Variants in PLXNA2 observed in about 807,000 individuals in gnomAD.
PLXNA2 encodes plexin A2.
In PLXNA2, 91 loss-of-function variants were observed where a neutral mutation model predicts 193.5. The observed-to-expected ratio is 0.47, with a 90% confidence interval of 0.40 to 0.56. The LOEUF is 0.56. PLXNA2 is among the 20% of genes least tolerant of loss of function. PLXNA2 has a pLI of 0.00. For synonymous variants in PLXNA2, 997 were observed against 1,027.3 expected (o/e 0.97, Z 0.56); for missense variants, 1,995 against 2,503.2 (o/e 0.80, Z 4.33).
intron 29 of PLXNA2, chr1:208,031,063 T>C: frequency 1.0e-6 from 1 of 990,166 alleles, no homozygotes; most frequent in Non-Finnish European, 1.2e-6. Context: ...TGCAATGAAA[T>C]CCTCCCTGTC....
chr1:208,184,065 A>G (rs979562657), intron 3 of PLXNA2, among the ~76,000 whole-genome samples: 1 of 152,188 alleles, frequency 6.6e-6, no homozygotes, highest in South Asian at 2.1e-4. Flanking sequence ...TTTTCTCATC[A>G]CAGAATGTTA....
intron 3 of PLXNA2, among the ~76,000 whole-genome samples, chr1:208,180,407 G>A (rs1669804100): frequency 6.6e-6 from 1 of 152,120 alleles, no homozygotes; most frequent in Non-Finnish European, 1.5e-5. Flanking sequence ...GAGAAAACAG[G>A]TTCATCACAT....
rs965857811 is a variant in PLXNA2 at position 208,063,291 on chromosome 1, G to T, written c.2587-2454C>A. 4.6e-5 allele frequency among the ~76,000 whole-genome samples: 7 copies of T among 152,326 alleles called. No individual in the cohort carries two copies. The East Asian group carries it at 1.2e-3, about 25-fold the overall frequency. On this transcript the variant is annotated intron_variant, in intron 12 of 31. Coordinates refer to ENST00000367033, the MANE Select transcript of PLXNA2 (RefSeq NM_025179.4). Reference sequence around the variant, plus strand: ...CTCAGAGGCACTGGCAGGTTCCACGGGGTAGCTTCCTCCTGCTGGTAAATC... The same window carrying T: ...CTCAGAGGCACTGGCAGGTTCCACGTGGTAGCTTCCTCCTGCTGGTAAATC...
chr1:208,132,925 A>G (rs1668201571), intron 4 of PLXNA2, among the ~76,000 whole-genome samples: 1 of 152,192 alleles, frequency 6.6e-6, no homozygotes, highest in Admixed American at 6.5e-5. Flanking sequence ...CATGGCAGTA[A>G]GCAGTAGAGC....
At chr1:208,167,612 A>G (rs145247388) in intron 3 of PLXNA2, among the ~76,000 whole-genome samples, 117 of 152,156 alleles carry the variant, frequency 7.7e-4, no homozygotes, top group Non-Finnish European at 1.3e-3. Flanking sequence ...CCTCCTCCCA[A>G]TATCCTGTCC....
chr1:208,094,163 T>C lies in PLXNA2; in HGVS notation c.1983-1263A>G, dbSNP rs143536458. On this transcript the variant is annotated intron_variant, in intron 8 of 31. Transcript: ENST00000367033. ...TAGACTGGTTCTTGGTAACATCTTATGATTCAGCAAGTAAATAATGAAAAT... is the reference window on the plus strand; with the variant it reads ...TAGACTGGTTCTTGGTAACATCTTACGATTCAGCAAGTAAATAATGAAAAT... Among the ~76,000 whole-genome samples, 458 of 152,344 alleles carry C rather than the reference T, an allele frequency of 3.0e-3. 4 individuals carry two copies. The highest frequency in any genetic ancestry group is 0.01 in the African/African-American group (435 of 41,578).
chr1:208,224,613 G>A lies in PLXNA2; in HGVS notation c.-80-6611C>T, dbSNP rs145766962. Among the ~76,000 whole-genome samples, 86 of 152,276 alleles carry A rather than the reference G, an allele frequency of 5.6e-4. 1 individual carries two copies. The highest frequency in any genetic ancestry group is 1.9e-3 in the African/African-American group (80 of 41,534). ...TAGATGTCACTTCTGTACCAGCTGC[G>A]TTTGCTTCATTAATCGAATGTCATT... On this transcript the variant is annotated intron_variant, in intron 1 of 31. Transcript: ENST00000367033.
Position 208,034,524 on chromosome 1 carries a change from G to A in PLXNA2, c.4833C>T (p.Ala1611=). 1 of 1,613,934 alleles carries A rather than the reference G, an allele frequency of 6.2e-7. No individual in the cohort carries two copies. Among genetic ancestry groups the A allele is most frequent in the Non-Finnish European group, 8.5e-7 (1 of 1,179,810 alleles). Residue 1611 remains alanine (A), a synonymous_variant, in exon 27 of 32, where the codon GCC becomes GCT. Coordinates refer to ENST00000367033, the MANE Select transcript of PLXNA2 (RefSeq NM_025179.4). ...QTSSYNIPAS[A]SISRTSISRY... ...TGCTGATGGACGTCCGGGAGATGCT[G>A]GCAGAGGCAGGGATGTTGTAGGAGG...
chr1:208,072,922 G>C (rs2102370378), intron 12 of PLXNA2, among the ~76,000 whole-genome samples: 1 of 152,312 alleles, frequency 6.6e-6, no homozygotes, highest in East Asian at 1.9e-4. Context: ...AGGTACTCTT[G>C]GGGTGGGATG....
chr1:208,221,809 T>C (rs903085604), intron 1 of PLXNA2, among the ~76,000 whole-genome samples: 9 of 152,176 alleles, frequency 5.9e-5, no homozygotes, highest in Non-Finnish European at 1.2e-4. Flanking sequence ...TGAGAGGCAG[T>C]GCGATATAAC....
In PLXNA2 at chr1:208,092,779, T is replaced by C; in HGVS notation, c.2097+7A>G. 7 of 1,593,156 alleles carry C rather than the reference T, an allele frequency of 4.4e-6. No homozygotes were observed. Among genetic ancestry groups the C allele is most frequent in the Non-Finnish European group, 5.2e-6 (6 of 1,161,384 alleles). ...AACACTGCCATGTTAGGGTAAGCCC[T>C]TCTTACCTCTGAAATATTGATCCGG... On this transcript the variant is annotated splice_region_variant and intron_variant, in intron 9 of 31. Coordinates refer to ENST00000367033, the MANE Select transcript of PLXNA2 (RefSeq NM_025179.4).
At position 208,079,413 on chromosome 1, in the gene PLXNA2, G is replaced by A. The variant is rs758416853; in HGVS notation, c.2433C>T (p.Cys811=). Residue 811 remains cysteine, a synonymous_variant, in exon 12 of 32, where the codon TGC becomes TGT. Transcript: ENST00000367033. ...TCCGGTCGGCCTTGAGGCAGAGGCC[G>A]CAGCTCTCCCGCTGGGCTGCACACT... ...LYKCAAQRES[C]GLCLKADRKF... is the part of the protein sequence containing the mutation. The A allele has an allele frequency of 8.7e-6, 14 of 1,611,266 alleles. No individual in the cohort carries two copies. The highest frequency in any genetic ancestry group is 6.7e-5 in the East Asian group (3 of 44,796).
intron 11 of PLXNA2, among the ~76,000 whole-genome samples, chr1:208,080,545 G>A (rs1303815065): frequency 6.6e-6 from 1 of 152,166 alleles, no homozygotes; most frequent in Non-Finnish European, 1.5e-5. Context: ...CTGAAAGTGA[G>A]ACACATGCCC....
chr1:208,218,172 A>G (rs1409601341), intron 1 of PLXNA2, 170 bp from the exon 2 acceptor site: 2 of 611,292 alleles, frequency 3.3e-6, no homozygotes, highest in Non-Finnish European at 5.7e-6. Context: ...TGTTCAGGGA[A>G]TCCTGTTATC....
chr1:208,038,319 G>T lies in PLXNA2; in HGVS notation c.4764+52C>A. Reference sequence around the variant, plus strand: ...TTGAGGCCTTAGAGCAAGGCTTAGCGGGAAGGGAACATTCTGGGAAGCTGA... The same window carrying T: ...TTGAGGCCTTAGAGCAAGGCTTAGCTGGAAGGGAACATTCTGGGAAGCTGA... On this transcript the variant is annotated intron_variant, in intron 26 of 31. Transcript: ENST00000367033. The surrounding 1 kb of genome is among the most constrained non-coding windows in gnomAD (Gnocchi z 4.1). 7.9e-7 allele frequency: 1 copy of T among 1,267,234 alleles called. No individual in the cohort carries two copies. The highest frequency in any genetic ancestry group is 1.2e-5 in the South Asian group (1 of 84,138). 78.5% of individuals were successfully genotyped at this position (1,267,234 alleles called of 1,614,324 possible).
At chr1:208,029,287 G>A (rs927604140) in intron 29 of PLXNA2, 1 of 1,326,140 alleles carries the variant, frequency 7.5e-7, no homozygotes, top group African/African-American at 1.5e-5. Flanking sequence ...TCCGAGGGGT[G>A]GGCCTGGGTG....
In PLXNA2 at chr1:208,215,618, AGATG is replaced by A. The variant is rs575256326; in HGVS notation, c.1188+1113_1188+1116del. Among the ~76,000 whole-genome samples the A allele has an allele frequency of 5.9e-4, 89 of 151,542 alleles. No individual in the cohort carries two copies. The South Asian group carries it at 0.017, about 29-fold the overall frequency. On this transcript the variant is annotated intron_variant, in intron 2 of 31. Coordinates refer to ENST00000367033, the MANE Select transcript of PLXNA2 (RefSeq NM_025179.4). The stretch of plus-strand genomic sequence containing the variant: ...TGGAGGTTTAGGTAAATAGGTGAAT[AGATG>A]GATGGATGGATGATGGATGGATGGA...
rs534933077 is a variant in PLXNA2, at chr1:208,127,364, C to T, written c.1506+14965G>A. ...ATGCTGTATACACCATTAACTCCTG[C>T]AGCCAATCAAGACATAGTTTGGGTC... On this transcript the variant is annotated intron_variant, in intron 4 of 31. Coordinates refer to ENST00000367033, the MANE Select transcript of PLXNA2 (RefSeq NM_025179.4). Among the ~76,000 whole-genome samples the T allele has an allele frequency of 2.6e-5, 4 of 152,372 alleles. No homozygotes were observed. The East Asian group carries it at 7.7e-4, about 29-fold the overall frequency.
chr1:208,198,748 G>A (rs114465002), intron 3 of PLXNA2, among the ~76,000 whole-genome samples: 406 of 152,286 alleles, frequency 2.7e-3, no homozygotes, highest in Middle Eastern at 0.014. Flanking sequence ...GCAAGTGGTA[G>A]TCTACACGTG....
Sources: allele counts gnomAD v4.1 joint callset (sites outside exome capture counted in the v4.1 genomes callset), GRCh38; gene constraint gnomAD v4.1.1; non-coding constraint Gnocchi (gnomAD v3.1); transcripts MANE v1.5; gene names NCBI Gene and HGNC (gene_info 2026-07-23, HGNC 2026-07-21).